The following IL6ST variants were observed in gnomAD, a reference collection of about 807,000 sequenced individuals.
IL6ST encodes the protein interleukin 6 cytokine family signal transducer.
IL6ST carries 24 observed loss-of-function variants against 91.3 expected under a neutral mutation model. The ratio of observed to expected loss-of-function variants is 0.26; its 90% CI spans 0.19 to 0.37. IL6ST has a LOEUF of 0.37. IL6ST is among the 10% of genes least tolerant of loss of function. IL6ST has a pLI of 1.00. For missense variants in IL6ST, 914 were observed against 1,078.5 expected (o/e 0.85, Z 2.14); for synonymous variants, 351 against 373.6 (o/e 0.94, Z 0.70).
intron 1 of IL6ST, among the ~76,000 whole-genome samples, chr5:55,990,186 T>C (rs1252260542): frequency 3.3e-5 from 5 of 152,136 alleles, no homozygotes; most frequent in Non-Finnish European, 7.4e-5. Flanking sequence ...CTATATACTA[T>C]AGCCATTTTT....
intron 14 of IL6ST, among the ~76,000 whole-genome samples, chr5:55,947,868 A>C (rs1336888700): frequency 2.0e-5 from 3 of 152,148 alleles, no homozygotes; most frequent in South Asian, 2.1e-4. Flanking sequence ...GTATCGGGTA[A>C]TCTACTGGGT....
intron 1 of IL6ST, among the ~76,000 whole-genome samples, chr5:55,991,845 T>C (rs1754351496): frequency 6.6e-6 from 1 of 152,160 alleles, no homozygotes; most frequent in Non-Finnish European, 1.5e-5. Flanking sequence ...CTGGCTTTTT[T>C]ACTCCAATAA....
rs193230173 is a variant in IL6ST at position 55,937,190 on chromosome 5, G to A, written c.*3892C>T. 49 of 213,402 alleles carry A rather than the reference G, an allele frequency of 2.3e-4. No individual in the cohort carries two copies. Among genetic ancestry groups the A allele is most frequent in the Admixed American group, 1.7e-3 (29 of 17,126 alleles). 13.2% of individuals were successfully genotyped at this position (213,402 alleles called of 1,614,324 possible). ...AATAAAAAAAACATCTATCACTATCGGCCTTAAATGCATCTCATCACACGA... is the reference window on the plus strand; with the variant it reads ...AATAAAAAAAACATCTATCACTATCAGCCTTAAATGCATCTCATCACACGA... On this transcript the variant is annotated 3_prime_UTR_variant, in exon 17 of 17. Transcript: ENST00000381298.
chr5:55,986,161 T>C (rs1753955381), intron 1 of IL6ST, among the ~76,000 whole-genome samples: 1 of 152,250 alleles, frequency 6.6e-6, no homozygotes, highest in Non-Finnish European at 1.5e-5. Flanking sequence ...ATCTTCCATA[T>C]CCTTACTGAT....
chr5:55,941,838 T>G lies in IL6ST; in HGVS notation c.2020-19A>C. Reference sequence around the variant, plus strand: ...AATTGTGCTAAGGAAGAGAAAAAATTGTATATGGCAAGTATTAGTTAAAGC... The same window carrying G: ...AATTGTGCTAAGGAAGAGAAAAAATGGTATATGGCAAGTATTAGTTAAAGC... On this transcript the variant is annotated intron_variant, in intron 16 of 16. Transcript: ENST00000381298. 1 of 1,589,344 alleles carries G rather than the reference T, an allele frequency of 6.3e-7. No individual in the cohort carries two copies. Among genetic ancestry groups the G allele is most frequent in the Non-Finnish European group, 8.6e-7 (1 of 1,167,720 alleles).
chr5:55,972,949 G>A (rs985302180), intron 3 of IL6ST, among the ~76,000 whole-genome samples: 1 of 151,094 alleles, frequency 6.6e-6, no homozygotes, highest in Non-Finnish European at 1.5e-5. Context: ...AGGTTGCAGT[G>A]AGCTGAGATT....
chr5:55,939,347 C>CTAT lies in IL6ST; in HGVS notation c.*1732_*1734dup, dbSNP rs1317498357. 1 of 200,920 alleles carries CTAT rather than the reference C, an allele frequency of 5.0e-6. No individual in the cohort carries two copies. The highest frequency in any genetic ancestry group is 2.3e-5 in the African/African-American group (1 of 43,268). 12.4% of individuals were successfully genotyped at this position (200,920 alleles called of 1,614,324 possible). A position where few individuals can be genotyped will look rare whatever the true frequency, so the allele number is the denominator to read the frequency against. On this transcript the variant is annotated 3_prime_UTR_variant, in exon 17 of 17. Transcript: ENST00000381298. ...AACTGAATATATCAGAATGAAACAT[C>CTAT]TATTTTTTTCATAAAGAAGATCATA...
In IL6ST at chr5:55,935,392, T is replaced by C. The variant is rs1750444027; in HGVS notation, c.*5690A>G. 4.9e-6 allele frequency: 1 copy of C among 202,964 alleles called. No homozygotes were observed. The highest frequency in any genetic ancestry group is 1.0e-5 in the Non-Finnish European group (1 of 98,956). The allele number at this position is 202,964 out of a possible 1,614,324, so 12.6% of individuals were successfully genotyped here. A position where few individuals can be genotyped will look rare whatever the true frequency, so the allele number is the denominator to read the frequency against. The stretch of plus-strand genomic sequence containing the variant: ...TGGCTTCGTATCTGTTGAAAATCTT[T>C]AGCGGTTGGGGAAAATAGCTATATT... On this transcript the variant is annotated 3_prime_UTR_variant, in exon 17 of 17. Transcript: ENST00000381298.
At chr5:55,954,757 GC>G in intron 11 of IL6ST, 52 bp downstream of exon 11, 1 of 1,379,086 alleles carries the variant, frequency 7.3e-7, no homozygotes, top group Non-Finnish European at 1.0e-6. Flanking sequence ...AGAAAAAGCT[GC>G]CTAAAGAGTT....
chr5:55,971,796 A>G (rs536870409), intron 3 of IL6ST, among the ~76,000 whole-genome samples: 2 of 152,280 alleles, frequency 1.3e-5, no homozygotes, highest in Non-Finnish European at 2.9e-5. Flanking sequence ...AAAAAATTAA[A>G]AACAGTTTTT....
intron 15 of IL6ST, among the ~76,000 whole-genome samples, chr5:55,944,117 C>T (rs1751092744): frequency 6.6e-6 from 1 of 152,238 alleles, no homozygotes; most frequent in African/African-American, 2.4e-5. Context: ...CTTCAACCTA[C>T]AGCTAACATC....
At chr5:55,984,529 G>A (rs994697136) in intron 1 of IL6ST, among the ~76,000 whole-genome samples, 3 of 152,278 alleles carry the variant, frequency 2.0e-5, no homozygotes, top group East Asian at 1.9e-4. Context: ...GAATCTCAAC[G>A]ACGATGGCTA....
intron 3 of IL6ST, among the ~76,000 whole-genome samples, chr5:55,971,992 G>C (rs894383216): frequency 3.3e-5 from 5 of 152,076 alleles, no homozygotes; most frequent in Non-Finnish European, 7.4e-5. Flanking sequence ...CCAATAGCAT[G>C]GTCCTTCATC....
intron 1 of IL6ST, chr5:55,994,150 A>C (rs2111969071): frequency 6.7e-6 from 1 of 149,870 alleles, no homozygotes; most frequent in Non-Finnish European, 1.5e-5. Flanking sequence ...TCATCCACTG[A>C]AGAACAGACC....
At chr5:55,991,795 A>T (rs914335376) in intron 1 of IL6ST, among the ~76,000 whole-genome samples, 1 of 151,620 alleles carries the variant, frequency 6.6e-6, no homozygotes, top group African/African-American at 2.4e-5. Flanking sequence ...CTACCTTACT[A>T]CTATACTTCT....
intron 8 of IL6ST, among the ~76,000 whole-genome samples, chr5:55,958,645 C>T (rs2111732069): frequency 6.6e-6 from 1 of 152,112 alleles, no homozygotes; most frequent in South Asian, 2.1e-4. Context: ...CAAGACCAGC[C>T]TGGGCACCAT....
At chr5:55,981,473 T>C (rs1481397220) in intron 2 of IL6ST, among the ~76,000 whole-genome samples, 3 of 151,960 alleles carry the variant, frequency 2.0e-5, no homozygotes, top group Admixed American at 6.6e-5. Flanking sequence ...TGAAGCCCCG[T>C]CTCTAATAAA....
rs567377902 is a variant in IL6ST, at chr5:55,989,522, T to C, written c.-104+5262A>G. ...AACACATAGAATATGCTTATGACCT[T>C]AGGGCCTTTTAAAATTAGACTATTT... On this transcript the variant is annotated intron_variant, in intron 1 of 16. Transcript: ENST00000381298. Among the ~76,000 whole-genome samples the C allele has an allele frequency of 2.3e-4, 35 of 152,356 alleles. No homozygotes were observed. In the South Asian group the frequency reaches 7.2e-3, roughly 32 times the overall value.
chr5:55,961,195 C>T (rs747074765), intron 7 of IL6ST, among the ~76,000 whole-genome samples: 2 of 152,168 alleles, frequency 1.3e-5, no homozygotes, highest in African/African-American at 4.8e-5. Context: ...ATTATCTTTC[C>T]TTTTTTCCCT....
Sources: gnomAD v4.1 joint callset for allele counts (sites outside exome capture counted in the v4.1 genomes callset) on GRCh38, gnomAD v4.1.1 for gene constraint, MANE v1.5 for transcripts, NCBI Gene and HGNC (gene_info 2026-07-23, HGNC 2026-07-21) for gene names.